Variants in ABCC4 observed in about 807,000 individuals in gnomAD.
ABCC4 encodes ATP binding cassette subfamily C member 4 (PEL blood group).
ABCC4 carries 102 observed loss-of-function variants against 168.5 expected under a neutral mutation model. That is an observed-to-expected ratio of 0.61 (90% CI 0.52 to 0.71). The LOEUF (loss-of-function observed/expected upper bound fraction) is 0.71, where lower values mean the gene tolerates loss of function less well. Among genes scored for constraint, ABCC4 ranks in the 30% least tolerant of loss-of-function variants. The pLI, the probability that ABCC4 is intolerant of heterozygous loss-of-function variation, is 0.00. For synonymous variants in ABCC4, 617 were observed against 590.7 expected (o/e 1.04, Z -0.65); for missense variants, 1,402 against 1,605.8 (o/e 0.87, Z 2.17).
intron 26 of ABCC4, among the ~76,000 whole-genome samples, chr13:95,059,641 A>ATT (rs11383966): frequency 7.7e-4 from 116 of 151,268 alleles, no homozygotes; most frequent in African/African-American, 2.0e-3. Flanking sequence ...TATTGTGCAC[A>ATT]TTTTTTTTTG....
At chr13:95,289,798 T>G (rs2041345556) in intron 1 of ABCC4, among the ~76,000 whole-genome samples, 1 of 152,164 alleles carries the variant, frequency 6.6e-6, no homozygotes, top group Non-Finnish European at 1.5e-5. Flanking sequence ...GTAGAGAACC[T>G]TTTTAAAATA....
chr13:95,237,345 CATT>C (rs1217954913), intron 3 of ABCC4, among the ~76,000 whole-genome samples: 2 of 152,172 alleles, frequency 1.3e-5, no homozygotes, highest in African/African-American at 4.8e-5. Context: ...GGAAAATACT[CATT>C]ATCAAAATTA....
intron 29 of ABCC4, among the ~76,000 whole-genome samples, chr13:95,040,299 T>A (rs1490770485): frequency 6.6e-6 from 1 of 152,216 alleles, no homozygotes; most frequent in Admixed American, 6.5e-5. Context: ...TGGCGCGATC[T>A]CGGCTCACTG....
intron 19 of ABCC4, among the ~76,000 whole-genome samples, chr13:95,122,717 C>T (rs1202247832): frequency 6.6e-6 from 1 of 152,194 alleles, no homozygotes; most frequent in Non-Finnish European, 1.5e-5. Flanking sequence ...CTTTCTCCTC[C>T]ATGAAACTCT....
chr13:95,143,369 C>A (rs1308883508), intron 19 of ABCC4, among the ~76,000 whole-genome samples: 2 of 152,168 alleles, frequency 1.3e-5, no homozygotes, highest in Non-Finnish European at 2.9e-5. Flanking sequence ...AAAAGTTCAA[C>A]TGCATTTCCA....
At chr13:95,274,381 A>T (rs2040920311) in intron 1 of ABCC4, among the ~76,000 whole-genome samples, 1 of 152,146 alleles carries the variant, frequency 6.6e-6, no homozygotes, top group Non-Finnish European at 1.5e-5. Flanking sequence ...TGATATGCAA[A>T]CCAACCAACC....
intron 1 of ABCC4, among the ~76,000 whole-genome samples, chr13:95,297,046 G>GT (rs1442305393): frequency 1.3e-5 from 2 of 151,738 alleles, no homozygotes; most frequent in African/African-American, 4.8e-5. Context: ...CGATGCAGGT[G>GT]TATCACCTGA....
At chr13:95,156,341 C>T (rs1009806917) in intron 19 of ABCC4, among the ~76,000 whole-genome samples, 3 of 152,154 alleles carry the variant, frequency 2.0e-5, no homozygotes, top group Non-Finnish European at 4.4e-5. Context: ...AAATTAAAAA[C>T]CAGGTTTTGC....
chr13:95,287,485 G>A lies in ABCC4; in HGVS notation c.74+13756C>T, dbSNP rs537939684. 1.3e-3 allele frequency among the ~76,000 whole-genome samples: 200 copies of A among 151,258 alleles called. 1 individual carries two copies. Among genetic ancestry groups the A allele is most frequent in the Admixed American group, 2.9e-3 (44 of 15,148 alleles). On this transcript the variant is annotated intron_variant, in intron 1 of 30. Transcript: ENST00000645237. ...ACCTGTAATCCCAGCTACTCAGGAG[G>A]CTGAGACAGCAGAATCGTTTGAATC... is the stretch of plus-strand genomic sequence containing the variant.
chr13:95,294,412 C>T (rs75399408), intron 1 of ABCC4, among the ~76,000 whole-genome samples: 10,064 of 152,088 alleles, frequency 0.066, 378 homozygotes, highest in Non-Finnish European at 0.092. Flanking sequence ...TGCTATAGTC[C>T]CCTTTTGGGC....
chr13:95,085,695 GCCACC>G (rs2034234718), intron 20 of ABCC4, among the ~76,000 whole-genome samples: 1 of 152,120 alleles, frequency 6.6e-6, no homozygotes, highest in Non-Finnish European at 1.5e-5. Flanking sequence ...GGCCTACTAG[GCCACC>G]CACAATTTTC....
At chr13:95,109,325 C>T (rs938036883) in intron 20 of ABCC4, among the ~76,000 whole-genome samples, 6 of 152,150 alleles carry the variant, frequency 3.9e-5, no homozygotes, top group Admixed American at 6.5e-5. Flanking sequence ...GAAAGAGAGA[C>T]TTTCGCTGGT....
chr13:95,177,269 C>T (rs1368298933), intron 13 of ABCC4, among the ~76,000 whole-genome samples: 2 of 152,164 alleles, frequency 1.3e-5, no homozygotes, highest in Admixed American at 1.3e-4. Context: ...AAGGACGTCA[C>T]TTCTAACCTG....
intron 9 of ABCC4, among the ~76,000 whole-genome samples, chr13:95,193,936 C>T (rs1353433106): frequency 6.6e-6 from 1 of 152,216 alleles, no homozygotes; most frequent in African/African-American, 2.4e-5. Flanking sequence ...CCTGCCCCAT[C>T]CCCCAGCTAG....
chr13:95,063,708 G>C (rs1404239684), intron 25 of ABCC4, among the ~76,000 whole-genome samples: 1 of 152,218 alleles, frequency 6.6e-6, no homozygotes, highest in Non-Finnish European at 1.5e-5. Flanking sequence ...AGAGAGAAAT[G>C]AAGTGCACTG....
At chr13:95,295,766 C>T (rs1368402097) in intron 1 of ABCC4, among the ~76,000 whole-genome samples, 1 of 151,928 alleles carries the variant, frequency 6.6e-6, no homozygotes, top group Non-Finnish European at 1.5e-5. Flanking sequence ...AGTTCAAGAC[C>T]AGCCTGGCCA....
In ABCC4 at chr13:95,244,627, A is replaced by AGG. The variant is rs1392393251; in HGVS notation, c.306+2347_306+2348insCC. 1.8e-4 allele frequency among the ~76,000 whole-genome samples: 14 copies of AGG among 77,236 alleles called. 4 individuals carry two copies. Among genetic ancestry groups the AGG allele is most frequent in the South Asian group, 1.7e-3 (4 of 2,380 alleles). The allele number at this position is 77,236 out of a possible 152,430, so 50.7% of individuals were successfully genotyped here. A position where few individuals can be genotyped will look rare whatever the true frequency, so the allele number is the denominator to read the frequency against. ...AAAGAAAGAAAGAAAGAAAGAAAGA[A>AGG]AGAAAGAAAGAAAGAAAGAAAGAAA... On this transcript the variant is annotated intron_variant, in intron 3 of 30. Transcript: ENST00000645237.
chr13:95,271,521 C>A (rs1356208426), intron 1 of ABCC4, among the ~76,000 whole-genome samples: 1 of 152,184 alleles, frequency 6.6e-6, no homozygotes, highest in Admixed American at 6.5e-5. Context: ...CAGATTATTA[C>A]TCTATAAAAC....
intron 1 of ABCC4, among the ~76,000 whole-genome samples, chr13:95,272,874 C>T (rs1049349834): frequency 2.6e-5 from 4 of 151,878 alleles, no homozygotes; most frequent in East Asian, 1.9e-4. Flanking sequence ...GGTGACAGAG[C>T]GAGACTCCGT....
Sources: gnomAD v4.1 joint callset for allele counts (sites outside exome capture counted in the v4.1 genomes callset) on GRCh38, gnomAD v4.1.1 for gene constraint, MANE v1.5 for transcripts, NCBI Gene and HGNC (gene_info 2026-07-23, HGNC 2026-07-21) for gene names.